The following HERC4 variants were observed in gnomAD, a reference collection of about 807,000 sequenced individuals.
HERC4 encodes HECT and RLD domain containing E3 ubiquitin protein ligase 4.
HERC4 carries 28 observed loss-of-function variants against 124.3 expected under a neutral mutation model. That is an observed-to-expected ratio of 0.23 (90% CI 0.17 to 0.31). The LOEUF (loss-of-function observed/expected upper bound fraction) is 0.31. Among genes scored for constraint, HERC4 ranks in the 10% least tolerant of loss-of-function variants. HERC4 has a pLI of 1.00. For synonymous variants in HERC4, 407 were observed against 421.5 expected (o/e 0.97, Z 0.42); for missense variants, 713 against 1,229.3 (o/e 0.58, Z 6.28).
At chr10:67,997,403 T>A in intron 9 of HERC4, among the ~76,000 whole-genome samples, 1 of 152,238 alleles carries the variant, frequency 6.6e-6, no homozygotes, top group Non-Finnish European at 1.5e-5. Context: ...AAAGTTCTTT[T>A]CAATCATATC....
intron 16 of HERC4, among the ~76,000 whole-genome samples, chr10:67,963,448 C>G (rs748291353): frequency 2.1e-4 from 32 of 152,176 alleles, no homozygotes; most frequent in Non-Finnish European, 4.0e-4. Context: ...AACTTCTGAC[C>G]TCAGGTGATC....
intron 15 of HERC4, among the ~76,000 whole-genome samples, chr10:67,981,260 G>C (rs2132636584): frequency 6.6e-6 from 1 of 152,280 alleles, no homozygotes; most frequent in East Asian, 1.9e-4. Flanking sequence ...AGAGAAAATA[G>C]ATTACAAAAG....
At chr10:68,005,559 C>T (rs867271856) in intron 9 of HERC4, among the ~76,000 whole-genome samples, 62 of 152,232 alleles carry the variant, frequency 4.1e-4, no homozygotes, top group Middle Eastern at 6.8e-3. Flanking sequence ...TAAGGACTTA[C>T]TCCTGACATT....
chr10:67,976,911 G>A (rs970371964), intron 15 of HERC4, among the ~76,000 whole-genome samples: 5 of 152,316 alleles, frequency 3.3e-5, no homozygotes, highest in African/African-American at 9.6e-5. Flanking sequence ...GTGAGTTCCT[G>A]CAAGCCTCAC....
At chr10:67,936,809 T>C (rs2032403584) in intron 21 of HERC4, among the ~76,000 whole-genome samples, 1 of 152,198 alleles carries the variant, frequency 6.6e-6, no homozygotes, top group Non-Finnish European at 1.5e-5. Context: ...TCCTTCTTTT[T>C]GGAATATTAT....
chr10:67,951,772 C>A (rs145511245), intron 19 of HERC4, among the ~76,000 whole-genome samples: 146 of 152,310 alleles, frequency 9.6e-4, no homozygotes, highest in South Asian at 1.2e-3. Flanking sequence ...CACGGGCCAA[C>A]TGACCATATT....
At chr10:67,923,547 G>A (rs1449107630) in intron 24 of HERC4, among the ~76,000 whole-genome samples, 1 of 151,878 alleles carries the variant, frequency 6.6e-6, no homozygotes, top group African/African-American at 2.4e-5. Context: ...TTTATAATGG[G>A]CAGCCAAAAT....
intron 18 of HERC4, 44 bp from the exon 19 acceptor site, chr10:67,954,782 G>A (rs1372168959): frequency 6.3e-7 from 1 of 1,577,278 alleles, no homozygotes; most frequent in African/African-American, 1.4e-5. Context: ...GTAAAGAAAT[G>A]AAAGTACATT....
chr10:67,982,554 C>G (rs948081236), intron 15 of HERC4, among the ~76,000 whole-genome samples: 1 of 152,116 alleles, frequency 6.6e-6, no homozygotes, highest in Non-Finnish European at 1.5e-5. Context: ...CTCTCCAGGA[C>G]ATTGGTCTGG....
At chr10:67,969,804 G>A (rs1267689196) in intron 15 of HERC4, among the ~76,000 whole-genome samples, 1 of 152,126 alleles carries the variant, frequency 6.6e-6, no homozygotes, top group Non-Finnish European at 1.5e-5. Context: ...CACAGGAAGA[G>A]GGGAGGGAAC....
At position 67,939,652 on chromosome 10, in the gene HERC4, C is replaced by T; in HGVS notation, c.2507G>A (p.Ser836Asn). The T allele has an allele frequency of 1.9e-6, 3 of 1,597,094 alleles. No individual in the cohort carries two copies. The highest frequency in any genetic ancestry group is 2.6e-6 in the Non-Finnish European group (3 of 1,171,902). ...LKELMPDVGR[S>N]MQQLLDYPED... The stretch of plus-strand genomic sequence containing the variant: ...TGGATAATCCAGTAACTGTTGCATG[C>T]TTCTGCAAAATAATATATATGTTTC... The change falls in exon 21 of 25, where the codon AGC becomes AAC. Residue 836 changes from serine to asparagine, a missense_variant and splice_region_variant. Coordinates refer to ENST00000373700, the MANE Select transcript of HERC4 (RefSeq NM_015601.4).
At chr10:68,021,532 C>T (rs970319188) in intron 8 of HERC4, among the ~76,000 whole-genome samples, 3 of 152,030 alleles carry the variant, frequency 2.0e-5, no homozygotes, top group African/African-American at 7.2e-5. Context: ...TAAAATGCTG[C>T]GTGCAGTGGC....
At chr10:68,038,352 CAAAAAA>C (rs35054670) in intron 4 of HERC4, 183 bp from the exon 5 acceptor site, 1 of 298,700 alleles carries the variant, frequency 3.3e-6, no homozygotes, top group Non-Finnish European at 6.0e-6. Flanking sequence ...GAGCTAGATA[CAAAAAA>C]AAAAAAATTA....
At chr10:68,010,884 GA>G in intron 9 of HERC4, 1 of 1,455,362 alleles carries the variant, frequency 6.9e-7, no homozygotes, top group Non-Finnish European at 9.6e-7. Flanking sequence ...GGGACTGGAT[GA>G]AGGGTATTTT....
At chr10:67,950,788 C>T (rs1275534910) in intron 19 of HERC4, among the ~76,000 whole-genome samples, 1 of 152,152 alleles carries the variant, frequency 6.6e-6, no homozygotes, top group African/African-American at 2.4e-5. Flanking sequence ...TGTGTATACA[C>T]ACATACAGAT....
intron 4 of HERC4, among the ~76,000 whole-genome samples, chr10:68,043,341 C>T (rs1169772687): frequency 2.0e-5 from 3 of 151,970 alleles, no homozygotes; most frequent in Admixed American, 2.0e-4. Flanking sequence ...ATTTAAAATC[C>T]TGTTCTATAA....
intron 15 of HERC4, among the ~76,000 whole-genome samples, chr10:67,986,061 C>T (rs563016785): frequency 2.0e-5 from 3 of 152,250 alleles, no homozygotes; most frequent in East Asian, 1.9e-4. Flanking sequence ...ACAAATAAAT[C>T]GTCCCTCGTA....
chr10:67,996,637 C>G (rs775646814), intron 9 of HERC4, among the ~76,000 whole-genome samples: 1 of 151,846 alleles, frequency 6.6e-6, no homozygotes, highest in African/African-American at 2.4e-5. Context: ...TGAAGATGAG[C>G]AATATTGAGT....
chr10:68,054,518 A>G (rs1425514708), intron 3 of HERC4, among the ~76,000 whole-genome samples: 1 of 151,846 alleles, frequency 6.6e-6, no homozygotes, highest in Non-Finnish European at 1.5e-5. Flanking sequence ...AATTTTTTGT[A>G]TTTTTAGTAG....
Sources: gnomAD v4.1 joint callset for allele counts (sites outside exome capture counted in the v4.1 genomes callset) on GRCh38, gnomAD v4.1.1 for gene constraint, MANE v1.5 for transcripts, NCBI Gene and HGNC (gene_info 2026-07-23, HGNC 2026-07-21) for gene names.